Variants in NBDY observed in about 807,000 individuals in gnomAD.
NBDY encodes the protein negative regulator of P-body association.
intron 2 of NBDY, among the ~76,000 whole-genome samples, chrX:56,733,204 TG>T (rs1313676487): frequency 2.7e-5 from 3 of 111,012 alleles, no homozygotes; most frequent in African/African-American, 6.5e-5. Flanking sequence ...ACCCATGGTT[TG>T]TTTTTTTTCA....
chrX:56,805,766 T>G (rs1363660148), intron 2 of NBDY, among the ~76,000 whole-genome samples: 3 of 111,938 alleles, frequency 2.7e-5, no homozygotes, highest in Non-Finnish European at 5.6e-5. Context: ...TCCAATTCAC[T>G]CTCATCCTCA....
chrX:56,762,476 T>C (rs1469835191), intron 2 of NBDY, among the ~76,000 whole-genome samples: 7 of 111,394 alleles, frequency 6.3e-5, no homozygotes, highest in Middle Eastern at 4.7e-3. Context: ...TTCACTTTTG[T>C]TCTGAAAGGA....
At chrX:56,790,619 G>A (rs2069757265) in intron 2 of NBDY, among the ~76,000 whole-genome samples, 1 of 112,370 alleles carries the variant, frequency 8.9e-6, no homozygotes, top group African/African-American at 3.2e-5. Context: ...GCGTCTTTAG[G>A]AGTGACATGG....
intron 2 of NBDY, among the ~76,000 whole-genome samples, chrX:56,808,104 T>G (rs1472777394): frequency 3.6e-5 from 4 of 112,503 alleles, no homozygotes; most frequent in Non-Finnish European, 7.5e-5. Context: ...TCTGTTTATG[T>G]GATGGATTAA....
At chrX:56,789,010 C>T (rs1265837844) in intron 2 of NBDY, among the ~76,000 whole-genome samples, 2 of 112,953 alleles carry the variant, frequency 1.8e-5, no homozygotes, top group African/African-American at 6.4e-5. Flanking sequence ...AGCCTGTTGT[C>T]ATGTTCAGAA....
At chrX:56,762,472 T>G (rs2069642740) in intron 2 of NBDY, among the ~76,000 whole-genome samples, 2 of 111,149 alleles carry the variant, frequency 1.8e-5, no homozygotes, top group Non-Finnish European at 3.8e-5. Context: ...AAGCTTCACT[T>G]TTGTTCTGAA....
At chrX:56,816,333 A>C (rs2069910639) in intron 2 of NBDY, among the ~76,000 whole-genome samples, 1 of 111,670 alleles carries the variant, frequency 9.0e-6, no homozygotes, top group Non-Finnish European at 1.9e-5. Context: ...TTGGTTAAAT[A>C]TCTACTGTCT....
At chrX:56,786,821 C>T (rs2069731804) in intron 2 of NBDY, among the ~76,000 whole-genome samples, 1 of 111,081 alleles carries the variant, frequency 9.0e-6, no homozygotes, top group Admixed American at 9.6e-5. Flanking sequence ...TCCTCTGCAA[C>T]ATTAGGCCTG....
intron 1 of NBDY, among the ~76,000 whole-genome samples, chrX:56,731,565 G>C (rs993488650): frequency 5.5e-5 from 6 of 109,187 alleles, no homozygotes; most frequent in African/African-American, 2.0e-4. Flanking sequence ...ACCGGGACTC[G>C]GTGTAAAAAA....
At chrX:56,814,966 A>G (rs979912105) in intron 2 of NBDY, among the ~76,000 whole-genome samples, 1 of 111,298 alleles carries the variant, frequency 9.0e-6, no homozygotes, top group South Asian at 3.7e-4. Flanking sequence ...ACTTCATTCT[A>G]TAATGCTTTT....
intron 2 of NBDY, among the ~76,000 whole-genome samples, chrX:56,756,442 G>A (rs200893506): frequency 3.0e-5 from 3 of 99,796 alleles, no homozygotes; most frequent in Admixed American, 1.1e-4. Context: ...AGCTAAAAAA[G>A]AAAAAAAAAA....
At chrX:56,802,776 A>G (rs1191135926) in intron 2 of NBDY, among the ~76,000 whole-genome samples, 1 of 112,818 alleles carries the variant, frequency 8.9e-6, no homozygotes, top group South Asian at 3.6e-4. Context: ...AGCATGAGCC[A>G]TGAAACCTGG....
intron 2 of NBDY, among the ~76,000 whole-genome samples, chrX:56,745,381 A>G (rs2069551724): frequency 9.0e-6 from 1 of 111,169 alleles, no homozygotes; most frequent in African/African-American, 3.3e-5. Context: ...ATTTGGCTAC[A>G]TATGGCTTAT....
chrX:56,815,159 G>T (rs2069905184), intron 2 of NBDY, among the ~76,000 whole-genome samples: 2 of 111,011 alleles, frequency 1.8e-5, no homozygotes, highest in Admixed American at 9.6e-5. Flanking sequence ...TTTACTCTTT[G>T]ATAATGAAAA....
intron 2 of NBDY, among the ~76,000 whole-genome samples, chrX:56,732,649 A>C (rs2146710581): frequency 8.9e-6 from 1 of 111,913 alleles, no homozygotes; most frequent in East Asian, 2.8e-4. Flanking sequence ...TCTTCAGTAC[A>C]AAGAGGAACA....
chrX:56,730,513 CAAAAAAAAAAAAAAAA>C (rs1157131797), intron 1 of NBDY, among the ~76,000 whole-genome samples: 153 of 11,233 alleles, frequency 0.014, 2 homozygotes, highest in South Asian at 0.033. Flanking sequence ...AACTACGTCT[CAAAAAAAAAAAAAAAA>C]AAAAAAAAAA....
intron 2 of NBDY, among the ~76,000 whole-genome samples, chrX:56,739,236 GTGTATA>G (rs1282719205): frequency 1.0e-4 from 6 of 58,086 alleles, no homozygotes; most frequent in Admixed American, 2.1e-4. Context: ...GTGTTTGTGT[GTGTATA>G]TATATATATA....
intron 2 of NBDY, among the ~76,000 whole-genome samples, chrX:56,813,688 A>G (rs999864309): frequency 3.6e-5 from 4 of 111,693 alleles, no homozygotes; most frequent in Non-Finnish European, 7.5e-5. Flanking sequence ...TGCGATGGGC[A>G]TGCTTTTTTG....
intron 2 of NBDY, among the ~76,000 whole-genome samples, chrX:56,763,287 G>A (rs1206690747): frequency 8.9e-6 from 1 of 111,943 alleles, no homozygotes; most frequent in Non-Finnish European, 1.9e-5. Context: ...GTGGTGTGTG[G>A]TGGCATTCCC....
Sources: allele counts gnomAD v4.1 joint callset (sites outside exome capture counted in the v4.1 genomes callset), GRCh38; gene constraint gnomAD v4.1.1; transcripts MANE v1.5; gene names NCBI Gene and HGNC (gene_info 2026-07-23, HGNC 2026-07-21).